Variants in ZNF488 observed in about 807,000 individuals in gnomAD.
The protein encoded by ZNF488 is zinc finger protein 488.
Under a neutral mutation model 1.2 loss-of-function variants are expected in ZNF488, and 1 was observed. That is an observed-to-expected ratio of 0.86 (90% CI 0.30 to 4.07). ZNF488 has a LOEUF of 4.07. Ranked by LOEUF, ZNF488 falls within the 30% of genes most tolerant of loss-of-function variation. ZNF488 has a pLI of 0.18. For missense variants in ZNF488, 450 were observed against 437.9 expected, an observed-to-expected ratio of 1.03 and a Z score of -0.25; for synonymous variants, 185 against 190.1, an observed-to-expected ratio of 0.97 and a Z score of 0.22.
Position 47,368,241 on chromosome 10 carries a change from T to C in ZNF488, c.589A>G (p.Asn197Asp). 9 of 1,614,200 alleles carry C rather than the reference T, an allele frequency of 5.6e-6. No homozygotes were observed. The highest frequency in any genetic ancestry group is 7.6e-6 in the Non-Finnish European group (9 of 1,180,032). Residue 197 changes from asparagine (N) to aspartate (D), a missense_variant, in exon 2 of 2, where the codon AAC (asparagine) becomes GAC (aspartate). Transcript: ENST00000585316. ...DALGELSGLL[N>D]TTDLACWGRL... ...CCCCAACAAGCGAGGTCTGTAGTGT[T>C]GAGGAGTCCAGACAGCTCCCCCAGG... is the stretch of plus-strand genomic sequence containing the variant.
At chr10:47,371,391 C>A (rs1248747154) in intron 1 of ZNF488, among the ~76,000 whole-genome samples, 1 of 151,920 alleles carries the variant, frequency 6.6e-6, no homozygotes, top group African/African-American at 2.4e-5. Context: ...TAAACAAAAA[C>A]ATGAAAGAAA....
intron 1 of ZNF488, among the ~76,000 whole-genome samples, chr10:47,381,823 G>A (rs1565789826): frequency 2.8e-5 from 2 of 71,504 alleles, no homozygotes; most frequent in African/African-American, 6.4e-5. Flanking sequence ...ATGCTTCAAT[G>A]GGGCCCTGCT....
Position 47,368,029 on chromosome 10 carries a change from G to A in ZNF488, c.801C>T (p.Thr267=), listed in dbSNP as rs782348731. 6.2e-7 allele frequency: 1 copy of A among 1,614,148 alleles called. No homozygotes were observed. The highest frequency in any genetic ancestry group is 1.1e-5 in the South Asian group (1 of 91,078). ...AGTTCTGGGTGGACAAGCCCAGGGA[G>A]GTGAGGGTGGGTGGCAGGAGGGCCC... ...TSWALLPPTL[T]SLGLSTQNWC... is the part of the protein sequence containing the mutation. Residue 267 remains threonine (T), a synonymous_variant, in exon 2 of 2, where the codon ACC becomes ACT. Coordinates refer to ENST00000585316, the MANE Select transcript of ZNF488 (RefSeq NM_153034.4).
In ZNF488 at chr10:47,367,227, G is replaced by C. The variant is rs553934253; in HGVS notation, c.*580C>G. 1.2e-5 allele frequency: 2 copies of C among 167,596 alleles called. No individual in the cohort carries two copies. The highest frequency in any genetic ancestry group is 4.1e-4 in the South Asian group (2 of 4,834). 10.4% of individuals were successfully genotyped at this position (167,596 alleles called of 1,614,324 possible). On this transcript the variant is annotated 3_prime_UTR_variant, in exon 2 of 2. Coordinates refer to ENST00000585316, the MANE Select transcript of ZNF488 (RefSeq NM_153034.4). The stretch of plus-strand genomic sequence containing the variant: ...TCAGCTTAACCTGAGCCAACCCACA[G>C]ACTCACGACTTAGGCAGATGCTTTA...
At chr10:47,382,669 C>A (rs986215655) in intron 1 of ZNF488, among the ~76,000 whole-genome samples, 11 of 152,202 alleles carry the variant, frequency 7.2e-5, no homozygotes, top group Non-Finnish European at 1.6e-4. Flanking sequence ...ATGCACATAC[C>A]TATGAATTTG....
intron 1 of ZNF488, among the ~76,000 whole-genome samples, chr10:47,378,244 C>A (rs1555214669): frequency 6.6e-6 from 1 of 152,218 alleles, no homozygotes; most frequent in Non-Finnish European, 1.5e-5. Context: ...TCAGCCTCAC[C>A]CTGGAAGTGC....
chr10:47,371,569 T>C (rs1837469555), intron 1 of ZNF488, among the ~76,000 whole-genome samples: 1 of 152,150 alleles, frequency 6.6e-6, no homozygotes, highest in South Asian at 2.1e-4. Context: ...GGGAGTTTTT[T>C]CTCAACTTTC....
intron 1 of ZNF488, among the ~76,000 whole-genome samples, chr10:47,381,657 C>T (rs1259655364): frequency 1.4e-5 from 2 of 140,442 alleles, no homozygotes; most frequent in African/African-American, 2.6e-5. Flanking sequence ...CAGGAGACTG[C>T]GAACACAGCC....
chr10:47,377,671 T>TCACTCACACACACA (rs1555214623), intron 1 of ZNF488, among the ~76,000 whole-genome samples: 1 of 104,952 alleles, frequency 9.5e-6, no homozygotes, highest in Non-Finnish European at 2.0e-5. Flanking sequence ...GCAATAACAA[T>TCACTCACACACACA]CACACACACA....
At position 47,365,688 on chromosome 10, in the gene ZNF488, G is replaced by A. The variant is rs1008296014; in HGVS notation, c.*2119C>T. 6.0e-6 allele frequency: 1 copy of A among 165,486 alleles called. No individual in the cohort carries two copies. The highest frequency in any genetic ancestry group is 2.4e-5 in the African/African-American group (1 of 41,400). 10.3% of individuals were successfully genotyped at this position (165,486 alleles called of 1,614,324 possible). A position where few individuals can be genotyped will look rare whatever the true frequency, so the allele number is the denominator to read the frequency against. On this transcript the variant is annotated 3_prime_UTR_variant, in exon 2 of 2. Transcript: ENST00000585316. ...TGTGAAGGAAGCAACAGGGTGATGCGGCTGAGAGAGGCAGAGGCTGCAGGG... is the reference window on the plus strand; with the variant it reads ...TGTGAAGGAAGCAACAGGGTGATGCAGCTGAGAGAGGCAGAGGCTGCAGGG...
chr10:47,373,961 G>A (rs1417852912), intron 1 of ZNF488, among the ~76,000 whole-genome samples: 2 of 152,210 alleles, frequency 1.3e-5, no homozygotes, highest in Non-Finnish European at 2.9e-5. Context: ...TTCACCAGAT[G>A]TTGAAATGTG....
At chr10:47,382,577 C>T (rs771220981) in intron 1 of ZNF488, among the ~76,000 whole-genome samples, 2 of 151,970 alleles carry the variant, frequency 1.3e-5, no homozygotes, top group Admixed American at 6.6e-5. Context: ...CCCCAGAATC[C>T]GCATATGTTG....
rs1393483981 is a variant in ZNF488, at chr10:47,366,561, C to T, written c.*1246G>A. 6.0e-6 allele frequency: 1 copy of T among 167,082 alleles called. No homozygotes were observed. The highest frequency in any genetic ancestry group is 2.4e-5 in the African/African-American group (1 of 41,440). The allele number at this position is 167,082 out of a possible 1,614,324, so 10.3% of individuals were successfully genotyped here. A position where few individuals can be genotyped will look rare whatever the true frequency, so the allele number is the denominator to read the frequency against. On this transcript the variant is annotated 3_prime_UTR_variant, in exon 2 of 2. Coordinates refer to ENST00000585316, the MANE Select transcript of ZNF488 (RefSeq NM_153034.4). ...CAATATCTGACAGTGAGGTGGAAACCAGTGCAAAAACGACACTGGCTTGGA... is the reference window on the plus strand; with the variant it reads ...CAATATCTGACAGTGAGGTGGAAACTAGTGCAAAAACGACACTGGCTTGGA...
intron 1 of ZNF488, among the ~76,000 whole-genome samples, chr10:47,372,491 A>G (rs1555213986): frequency 4.0e-5 from 6 of 151,564 alleles, no homozygotes; most frequent in Non-Finnish European, 8.8e-5. Flanking sequence ...TGGAAGCTCA[A>G]GCCTCCTCTG....
chr10:47,383,790 G>A (rs1838076753), intron 1 of ZNF488, among the ~76,000 whole-genome samples: 1 of 152,126 alleles, frequency 6.6e-6, no homozygotes. Context: ...ATAAACCCCG[G>A]GAGAGACAGT....
rs781807927 is a variant in ZNF488, at chr10:47,365,609, C to T, written c.*2198G>A. The T allele has an allele frequency of 6.0e-6, 1 of 167,168 alleles. No homozygotes were observed. The highest frequency in any genetic ancestry group is 6.5e-5 in the Admixed American group (1 of 15,294). 10.4% of individuals were successfully genotyped at this position (167,168 alleles called of 1,614,324 possible). A position where few individuals can be genotyped will look rare whatever the true frequency, so the allele number is the denominator to read the frequency against. ...TCCCAAGGAGCTGACAGTGTGGAGG[C>T]AGCAAATCAACAAGACGACAAACAG... On this transcript the variant is annotated 3_prime_UTR_variant, in exon 2 of 2. Coordinates refer to ENST00000585316, the MANE Select transcript of ZNF488 (RefSeq NM_153034.4).
chr10:47,368,926 G>T lies in ZNF488; in HGVS notation c.-97C>A, dbSNP rs1424566856. ...CCATGACACTGGGCTGGACACACTC[G>T]GCCACAGGGCCCTGCAGAGAGAGGA... On this transcript the variant is annotated 5_prime_UTR_variant, in exon 2 of 2. Transcript: ENST00000585316. 1 of 1,410,326 alleles carries T rather than the reference G, an allele frequency of 7.1e-7. No homozygotes were observed. The highest frequency in any genetic ancestry group is 2.3e-5 in the East Asian group (1 of 43,492). The allele number at this position is 1,410,326 out of a possible 1,614,324, so 87.4% of individuals were successfully genotyped here. A position where few individuals can be genotyped will look rare whatever the true frequency, so the allele number is the denominator to read the frequency against.
rs1267929458 is a variant in ZNF488, at chr10:47,366,622, G to A, written c.*1185C>T. 6.0e-6 allele frequency: 1 copy of A among 167,132 alleles called. No homozygotes were observed. Among genetic ancestry groups the A allele is most frequent in the East Asian group, 1.9e-4 (1 of 5,206 alleles). 10.4% of individuals were successfully genotyped at this position (167,132 alleles called of 1,614,324 possible). Reference sequence around the variant, plus strand: ...AAAGGGCTTTCACGCAGACTGACCTGTGGAATGTCAAAGAGTACAGCCTGG... The same window carrying A: ...AAAGGGCTTTCACGCAGACTGACCTATGGAATGTCAAAGAGTACAGCCTGG... On this transcript the variant is annotated 3_prime_UTR_variant, in exon 2 of 2. Transcript: ENST00000585316.
chr10:47,368,436 G>A lies in ZNF488; in HGVS notation c.394C>T (p.Pro132Ser). The change falls in exon 2 of 2, where the codon CCA (proline) becomes TCA (serine). Residue 132 changes from proline to serine, a missense_variant. Physicochemically the swap from Pro to Ser is moderately conservative, Grantham distance 74. Coordinates refer to ENST00000585316, the MANE Select transcript of ZNF488 (RefSeq NM_153034.4). ...HDDPTGQPGAPQLTQNIPRGP... is the reference protein window; with the variant it reads ...HDDPTGQPGASQLTQNIPRGP... ...CTGGGGATGTTCTGGGTCAGCTGTG[G>A]GGCACCAGGTTGGCCTGTGGGGTCA... 2 of 1,614,128 alleles carry A rather than the reference G, an allele frequency of 1.2e-6. No individual in the cohort carries two copies. Among genetic ancestry groups the A allele is most frequent in the South Asian group, 1.1e-5 (1 of 91,074 alleles).
Sources: gnomAD v4.1 joint callset for allele counts (sites outside exome capture counted in the v4.1 genomes callset) on GRCh38, gnomAD v4.1.1 for gene constraint, MANE v1.5 for transcripts, NCBI Gene and HGNC (gene_info 2026-07-23, HGNC 2026-07-21) for gene names.